NCALD: variants seen among roughly 807,000 people sequenced by gnomAD.
NCALD encodes neurocalcin delta, also known as neurocalcin-delta.
NCALD carries 10 observed loss-of-function variants against 18.6 expected under a neutral mutation model. That is an observed-to-expected ratio of 0.54 (90% CI 0.33 to 0.91). The LOEUF is 0.91. NCALD is among the 40% of genes least tolerant of loss of function. The pLI is 0.03. For synonymous variants in NCALD, 88 were observed against 87.4 expected (o/e 1.01, Z -0.04); for missense variants, 184 against 247.6 (o/e 0.74, Z 1.72).
intron 4 of NCALD, among the ~76,000 whole-genome samples, chr8:101,797,832 G>A (rs1485928666): frequency 3.3e-5 from 5 of 151,486 alleles, no homozygotes; most frequent in Non-Finnish European, 7.4e-5. Flanking sequence ...AAAAAGAGGA[G>A]TGTCTTCTGT....
intron 1 of NCALD, among the ~76,000 whole-genome samples, chr8:102,063,652 A>G (rs1354094918): frequency 6.6e-6 from 1 of 152,182 alleles, no homozygotes; most frequent in African/African-American, 2.4e-5. Context: ...TAAAAGCTCA[A>G]AACTACTCTT....
intron 3 of NCALD, among the ~76,000 whole-genome samples, chr8:101,901,009 C>T (rs969426315): frequency 6.6e-6 from 1 of 151,732 alleles, no homozygotes; most frequent in African/African-American, 2.4e-5. Context: ...TTGCAGTTCA[C>T]TTTTTTGGGT....
chr8:101,692,506 G>C, intron 3 of NCALD: 1 of 985,406 alleles, frequency 1.0e-6, no homozygotes, highest in Non-Finnish European at 1.2e-6. Context: ...GCTAACAATG[G>C]TTTCTTGGTT....
chr8:102,030,737 G>A (rs1822637906), intron 1 of NCALD, among the ~76,000 whole-genome samples: 1 of 152,004 alleles, frequency 6.6e-6, no homozygotes, highest in Admixed American at 6.6e-5. Context: ...TTAGCTGGAT[G>A]TGGTGGTGCA....
intron 2 of NCALD, among the ~76,000 whole-genome samples, chr8:102,019,672 G>C (rs1406954618): frequency 6.6e-6 from 1 of 152,096 alleles, no homozygotes; most frequent in African/African-American, 2.4e-5. Flanking sequence ...TCTCATTTAT[G>C]ACTAAAACTT....
chr8:101,898,191 A>G (rs1408269852), intron 3 of NCALD, among the ~76,000 whole-genome samples: 1 of 152,204 alleles, frequency 6.6e-6, no homozygotes, highest in Admixed American at 6.5e-5. Context: ...GTGTGAGAAC[A>G]GACTAATACA....
At chr8:101,757,330 A>G (rs1215785442) in intron 1 of NCALD, among the ~76,000 whole-genome samples, 12 of 152,232 alleles carry the variant, frequency 7.9e-5, no homozygotes, top group Admixed American at 7.9e-4. Context: ...ATGGCAAGCC[A>G]TGAGAATACT....
chr8:101,909,771 C>T (rs1341029444), intron 3 of NCALD, among the ~76,000 whole-genome samples: 4 of 152,096 alleles, frequency 2.6e-5, no homozygotes, highest in Non-Finnish European at 4.4e-5. Flanking sequence ...TTAAACAGTA[C>T]ATTCATCTTT....
At chr8:101,804,615 T>A (rs1283970003) in intron 4 of NCALD, among the ~76,000 whole-genome samples, 1 of 131,012 alleles carries the variant, frequency 7.6e-6, no homozygotes. Flanking sequence ...ATTAATTATA[T>A]AATATATAAT....
chr8:101,946,178 TCTTA>T (rs1449380938), intron 2 of NCALD, among the ~76,000 whole-genome samples: 2 of 152,122 alleles, frequency 1.3e-5, no homozygotes, highest in African/African-American at 4.8e-5. Context: ...TTTTTGGGGG[TCTTA>T]CTTTGAGAAT....
At chr8:101,740,844 C>A (rs1364989355) in intron 1 of NCALD, among the ~76,000 whole-genome samples, 1 of 152,122 alleles carries the variant, frequency 6.6e-6, no homozygotes, top group Non-Finnish European at 1.5e-5. Flanking sequence ...CTGCACACCC[C>A]CATCCATCCC....
chr8:102,034,015 T>TAC (rs34381236), intron 1 of NCALD, among the ~76,000 whole-genome samples: 11,221 of 147,916 alleles, frequency 0.076, 778 homozygotes, highest in African/African-American at 0.19. Context: ...TCCCTCTAAA[T>TAC]ACACACACAC....
At chr8:102,037,521 C>A (rs960377063) in intron 1 of NCALD, among the ~76,000 whole-genome samples, 1 of 152,174 alleles carries the variant, frequency 6.6e-6, no homozygotes, top group Non-Finnish European at 1.5e-5. Flanking sequence ...ATACACATAT[C>A]ATACATGTAT....
chr8:101,723,458 CT>C (rs1254644314), intron 1 of NCALD, among the ~76,000 whole-genome samples: 3 of 152,054 alleles, frequency 2.0e-5, no homozygotes, highest in African/African-American at 4.8e-5. Flanking sequence ...GCATATATTT[CT>C]TTTCTAAAGT....
chr8:101,944,330 C>T (rs1385061018), intron 2 of NCALD, among the ~76,000 whole-genome samples: 3 of 152,132 alleles, frequency 2.0e-5, no homozygotes, highest in African/African-American at 7.2e-5. Flanking sequence ...GAGGGTGACA[C>T]CATCAGATTT....
intron 1 of NCALD, among the ~76,000 whole-genome samples, chr8:102,031,758 G>GA (rs1406571053): frequency 6.6e-6 from 1 of 152,096 alleles, no homozygotes; most frequent in Non-Finnish European, 1.5e-5. Context: ...ATCAATATTA[G>GA]AAAAAAGTTA....
intron 4 of NCALD, among the ~76,000 whole-genome samples, chr8:101,854,681 A>G (rs954744889): frequency 2.5e-4 from 38 of 152,162 alleles, no homozygotes; most frequent in African/African-American, 8.9e-4. Context: ...ACTCCCATGG[A>G]AAAAAATGGG....
chr8:101,951,494 GCA>G (rs1819420131), intron 2 of NCALD, among the ~76,000 whole-genome samples: 1 of 152,160 alleles, frequency 6.6e-6, no homozygotes, highest in African/African-American at 2.4e-5. Flanking sequence ...CTAAAGCTGA[GCA>G]CAGACTTCCT....
chr8:101,953,920 C>T (rs4145554), intron 2 of NCALD, among the ~76,000 whole-genome samples: 54,614 of 152,108 alleles, frequency 0.36, 10,253 homozygotes, highest in South Asian at 0.43. Context: ...TGGCTAGTGT[C>T]TGAAATAAGA....
Sources: allele counts gnomAD v4.1 joint callset (sites outside exome capture counted in the v4.1 genomes callset), GRCh38; gene constraint gnomAD v4.1.1; transcripts MANE v1.5; gene names NCBI Gene and HGNC (gene_info 2026-07-23, HGNC 2026-07-21).